TTLL2: variants seen among roughly 807,000 people sequenced by gnomAD.
TTLL2 encodes the protein probable tubulin polyglutamylase TTLL2.
Under a neutral mutation model 7.5 loss-of-function variants are expected in TTLL2, and 10 were observed. The observed-to-expected ratio is 1.33, with a 90% CI of 0.82 to 2.25. TTLL2 has a LOEUF of 2.25. Among genes scored for constraint, TTLL2 ranks in the 30% most tolerant of loss-of-function variants. The probability of loss-of-function intolerance (pLI) is 0.00; values close to 1 mark genes in which losing one functional copy is unlikely to be tolerated. For synonymous variants in TTLL2, 284 were observed against 280.3 expected (o/e 1.01, Z -0.13); for missense variants, 733 against 735.7 (o/e 1.00, Z 0.04).
chr6:167,341,464 A>G lies in TTLL2; in HGVS notation c.1564A>G (p.Met522Val). Reference protein sequence around the residue: ...RSRHTPHKTLMPYASLFQSHS... With the variant: ...RSRHTPHKTLVPYASLFQSHS... ...CAGGCACACGCCTCACAAGACACTC[A>G]TGCCCTACGCGTCCCTCTTCCAGTC... is the stretch of plus-strand genomic sequence containing the variant. Residue 522 changes from methionine (M) to valine (V), a missense_variant, in exon 3 of 3, where the codon ATG becomes GTG. Physicochemically the swap from Met to Val is conservative, Grantham distance 21. Transcript: ENST00000239587. 2.5e-6 allele frequency: 4 copies of G among 1,614,082 alleles called. No individual in the cohort carries two copies. Among genetic ancestry groups the G allele is most frequent in the Non-Finnish European group, 3.4e-6 (4 of 1,180,012 alleles).
chr6:167,333,728 G>C (rs200310710), intron 1 of TTLL2, among the ~76,000 whole-genome samples: 1 of 28,182 alleles, frequency 3.5e-5, no homozygotes, highest in Non-Finnish European at 6.2e-5. Flanking sequence ...GTTTATTTGC[G>C]TAGAGGTGTT....
At chr6:167,326,965 C>T (rs528492165) in intron 1 of TTLL2, among the ~76,000 whole-genome samples, 1 of 152,110 alleles carries the variant, frequency 6.6e-6, no homozygotes, top group Non-Finnish European at 1.5e-5. Flanking sequence ...AAGGCTGTGG[C>T]TTATGCTTTT....
In TTLL2 at chr6:167,341,313, G is replaced by T. The variant is rs1779092326; in HGVS notation, c.1413G>T (p.Val471=). Reference sequence around the variant, plus strand: ...GAATGTACAACGAGGATGACTCTGTGGTGGAGAAAGCTGTGAGTGTGCGTC... The same window carrying T: ...GAATGTACAACGAGGATGACTCTGTTGTGGAGAAAGCTGTGAGTGTGCGTC... ...TSRMYNEDDS[V]VEKAVSVRPE... is the part of the protein sequence containing the mutation. Residue 471 remains valine, a synonymous_variant, in exon 3 of 3, where the codon GTG becomes GTT. Transcript: ENST00000239587. 1.2e-6 allele frequency: 2 copies of T among 1,613,678 alleles called. No homozygotes were observed. Among genetic ancestry groups the T allele is most frequent in the Non-Finnish European group, 1.7e-6 (2 of 1,179,972 alleles).
chr6:167,341,629 A>C lies in TTLL2; in HGVS notation c.1729A>C (p.Lys577Gln). 6.2e-7 allele frequency: 1 copy of C among 1,613,988 alleles called. No homozygotes were observed. The highest frequency in any genetic ancestry group is 8.5e-7 in the Non-Finnish European group (1 of 1,179,958). The change falls in exon 3 of 3, where the codon AAA (lysine) becomes CAA (glutamine). Residue 577 changes from lysine to glutamine, a missense_variant. Physicochemically the swap from Lys to Gln is moderately conservative, Grantham distance 53 (BLOSUM62 1). Coordinates refer to ENST00000239587, the MANE Select transcript of TTLL2 (RefSeq NM_031949.5). The stretch of plus-strand genomic sequence containing the variant: ...AGCTTCCAGGAATGGATTAAATGTC[A>C]AAAGAATAATCCAAGAGCTCCAGAA... The part of the protein sequence containing the change: ...LGASRNGLNV[K>Q]RIIQELQKLM...
At chr6:167,338,224 TACAC>T (rs754661932) in intron 1 of TTLL2, among the ~76,000 whole-genome samples, 7 of 147,666 alleles carry the variant, frequency 4.7e-5, no homozygotes, top group Middle Eastern at 7.1e-3. Flanking sequence ...ACACACAACA[TACAC>T]ACAACACAAG....
chr6:167,341,424 G>A lies in TTLL2; in HGVS notation c.1524G>A (p.Lys508=), dbSNP rs746086567. ...HLSTREMPQS[K]PKLRSRHTPH... ...CAACAAGGGAGATGCCACAAAGCAA[G>A]CCCAAGTTACGGAGCAGGCACACGC... The change falls in exon 3 of 3, where the codon AAG becomes AAA. Residue 508 remains lysine, a synonymous_variant. Coordinates refer to ENST00000239587, the MANE Select transcript of TTLL2 (RefSeq NM_031949.5). The A allele has an allele frequency of 1.9e-6, 3 of 1,613,996 alleles. No individual in the cohort carries two copies. The highest frequency in any genetic ancestry group is 2.2e-5 in the South Asian group (2 of 91,070).
At chr6:167,338,044 A>G (rs1051827182) in intron 1 of TTLL2, among the ~76,000 whole-genome samples, 2 of 151,826 alleles carry the variant, frequency 1.3e-5, no homozygotes, top group Non-Finnish European at 2.9e-5. Flanking sequence ...GCAATACAAC[A>G]CACACTCATA....
chr6:167,339,353 A>G (rs769559655), intron 2 of TTLL2, among the ~76,000 whole-genome samples: 1 of 152,220 alleles, frequency 6.6e-6, no homozygotes, highest in African/African-American at 2.4e-5. Context: ...CTTCATCATC[A>G]GTTATGATCG....
chr6:167,331,080 T>C (rs995770354), intron 1 of TTLL2, among the ~76,000 whole-genome samples: 3 of 152,226 alleles, frequency 2.0e-5, no homozygotes, highest in Non-Finnish European at 4.4e-5. Context: ...AGCTACTCAG[T>C]ACAAATGAGT....
intron 2 of TTLL2, among the ~76,000 whole-genome samples, chr6:167,339,156 A>G (rs1056922709): frequency 3.9e-5 from 6 of 152,134 alleles, no homozygotes; most frequent in Non-Finnish European, 8.8e-5. Context: ...CAAACACTAC[A>G]GAATTTCCAC....
At chr6:167,337,224 T>C (rs933586080) in intron 1 of TTLL2, among the ~76,000 whole-genome samples, 24 of 152,234 alleles carry the variant, frequency 1.6e-4, no homozygotes, top group African/African-American at 5.8e-4. Flanking sequence ...TGAGTATGCA[T>C]TGCTCTCTGG....
In TTLL2 at chr6:167,325,168, C is replaced by T. The variant is rs188153873; in HGVS notation, c.-6C>T. The stretch of plus-strand genomic sequence containing the variant: ...CCACAGAGGCCACCCTCGGAACCAG[C>T]GCCCAATGAGAGGGCGGGACCTGTG... On this transcript the variant is annotated 5_prime_UTR_variant, in exon 1 of 3. Transcript: ENST00000239587. The T allele has an allele frequency of 2.0e-5, 32 of 1,576,496 alleles. No homozygotes were observed. In the East Asian group the frequency reaches 3.8e-4, roughly 19 times the overall value.
chr6:167,328,820 G>T (rs999210939), intron 1 of TTLL2, among the ~76,000 whole-genome samples: 2 of 152,246 alleles, frequency 1.3e-5, no homozygotes, highest in Middle Eastern at 3.4e-3. Context: ...CATCCTCTGA[G>T]CTTGGTACTG....
rs1779066801 is a variant in TTLL2, at chr6:167,340,482, A to G, written c.582A>G (p.Glu194=). Residue 194 remains glutamate (E), a synonymous_variant, in exon 3 of 3, where the codon GAA becomes GAG. Transcript: ENST00000239587. ...MPNDYTKFVA[E]YFQERQMLGT... ...ATGACTATACCAAGTTCGTGGCTGA[A>G]TACTTTCAGGAGAGGCAGATGCTGG... The G allele has an allele frequency of 6.2e-7, 1 of 1,614,110 alleles. No homozygotes were observed. The highest frequency in any genetic ancestry group is 8.5e-7 in the Non-Finnish European group (1 of 1,180,020).
At chr6:167,328,377 T>C (rs1778873908) in intron 1 of TTLL2, 11 of 301,570 alleles carry the variant, frequency 3.6e-5, no homozygotes, top group South Asian at 3.3e-4. Flanking sequence ...CCCAGGAATA[T>C]CATCAAGGTA....
chr6:167,338,853 TTCCTTCCTTCC>T, intron 2 of TTLL2, 50 bp downstream of exon 2: 1 of 1,458,388 alleles, frequency 6.9e-7, no homozygotes, highest in Middle Eastern at 2.3e-4. Flanking sequence ...CCTTCCTTCC[TTCCTTCCTTCC>T]TTCTTTCCTC....
Position 167,341,161 on chromosome 6 carries a change from A to G in TTLL2, c.1261A>G (p.Arg421Gly). Residue 421 changes from arginine (R) to glycine (G), a missense_variant, in exon 3 of 3, where the codon AGA (arginine) becomes GGA (glycine). Arg to Gly is a moderately radical substitution (Grantham distance 125). Coordinates refer to ENST00000239587, the MANE Select transcript of TTLL2 (RefSeq NM_031949.5). ...TGACCTGATTTACTTAAATGGTCTAAGAAATGAGGGGAGAGAAGCCAGTAA... is the reference window on the plus strand; with the variant it reads ...TGACCTGATTTACTTAAATGGTCTAGGAAATGAGGGGAGAGAAGCCAGTAA... ...IIDLIYLNGL[R>G]NEGREASNAT... The G allele has an allele frequency of 1.2e-6, 2 of 1,613,982 alleles. No individual in the cohort carries two copies. The highest frequency in any genetic ancestry group is 1.7e-6 in the Non-Finnish European group (2 of 1,180,014).
chr6:167,328,162 A>T (rs1778871264), intron 1 of TTLL2: 1 of 455,912 alleles, frequency 2.2e-6, no homozygotes, highest in African/African-American at 2.0e-5. Context: ...ATTTTTGCAG[A>T]GCCTGTCTTG....
rs1385586891 is a variant in TTLL2 at position 167,340,935 on chromosome 6, C to T, written c.1035C>T (p.Ile345=). The T allele has an allele frequency of 1.2e-6, 2 of 1,613,956 alleles. No homozygotes were observed. The highest frequency in any genetic ancestry group is 1.7e-6 in the Non-Finnish European group (2 of 1,180,024). ...ACGATCTGCTTTTGTGGAAGAAAAT[C>T]CACCGCATGGTTATTCTCACCATTC... ...DVDDLLLWKK[I]HRMVILTILA... The change falls in exon 3 of 3, where the codon ATC becomes ATT. Residue 345 remains isoleucine, a synonymous_variant. Coordinates refer to ENST00000239587, the MANE Select transcript of TTLL2 (RefSeq NM_031949.5).
Sources: gnomAD v4.1 joint callset for allele counts (sites outside exome capture counted in the v4.1 genomes callset) on GRCh38, gnomAD v4.1.1 for gene constraint, MANE v1.5 for transcripts, NCBI Gene and HGNC (gene_info 2026-07-23, HGNC 2026-07-21) for gene names.